The following ITIH1 variants were observed in gnomAD, a reference collection of about 807,000 sequenced individuals.
ITIH1 encodes inter-alpha-trypsin inhibitor heavy chain 1.
Under a neutral mutation model 104.6 loss-of-function variants are expected in ITIH1, and 94 were observed. The ratio of observed to expected loss-of-function variants is 0.90; its 90% confidence interval spans 0.76 to 1.07. The LOEUF (loss-of-function observed/expected upper bound fraction) is 1.07, where lower values mean the gene tolerates loss of function less well. Ranked by LOEUF, ITIH1 falls within the 50% of genes least tolerant of loss-of-function variation. The pLI, the probability that ITIH1 is intolerant of heterozygous loss-of-function variation, is 0.00. For missense variants in ITIH1, 1,193 were observed against 1,181.4 expected (o/e 1.01, Z -0.14); for synonymous variants, 455 against 464.4 (o/e 0.98, Z 0.26).
intron 2 of ITIH1, 25 bp downstream of exon 2, chr3:52,778,042 G>T (rs748842149): frequency 6.2e-7 from 1 of 1,613,356 alleles, no homozygotes; most frequent in African/African-American, 1.3e-5. Flanking sequence ...TGGCAAAGGG[G>T]TCTGTGACAG....
At chr3:52,781,205 TTTTTTCTTCTTCTTCTTCTTC>T (rs1699029757) in intron 6 of ITIH1, among the ~76,000 whole-genome samples, 18 of 72,346 alleles carry the variant, frequency 2.5e-4, no homozygotes, top group East Asian at 1.8e-3. Flanking sequence ...TTCTTTTTTT[TTTTTTCTTCTTCTTCTTCTTC>T]TTCTTCTTCT....
rs779628889 is a variant in ITIH1, at chr3:52,787,594, A to T, written c.1906A>T (p.Met636Leu). Residue 636 changes from methionine (M) to leucine (L), a missense_variant and splice_region_variant, in exon 16 of 22, where the codon ATG becomes TTG. Met to Leu is a conservative substitution (Grantham distance 15). Coordinates refer to ENST00000273283, the MANE Select transcript of ITIH1 (RefSeq NM_002215.4). ...KPSEDSPPLE[M>L]LGPRRTFVLS... ...TAATATGTCCTTGTCTTCTACAGAG[A>T]TGCTGGGACCCAGAAGGAGTAAGTG... is the stretch of plus-strand genomic sequence containing the variant. 5 of 1,614,152 alleles carry T rather than the reference A, an allele frequency of 3.1e-6. No individual in the cohort carries two copies. Among genetic ancestry groups the T allele is most frequent in the East Asian group, 4.5e-5 (2 of 44,882 alleles).
chr3:52,781,960 C>T lies in ITIH1; in HGVS notation c.708C>T (p.Pro236=). The T allele has an allele frequency of 1.2e-6, 2 of 1,614,196 alleles. No homozygotes were observed. Among genetic ancestry groups the T allele is most frequent in the Non-Finnish European group, 1.7e-6 (2 of 1,180,036 alleles). Residue 236 remains proline (P), a synonymous_variant, in exon 7 of 22, where the codon CCC becomes CCT. Coordinates refer to ENST00000273283, the MANE Select transcript of ITIH1 (RefSeq NM_002215.4). ...TCCAGGGTCATGTGCTGTTCCGTCC[C>T]ACCGTGAGCCAGCAGCAGTCCTGCC... ...SGKKGHVLFR[P]TVSQQQSCPT...
intron 16 of ITIH1, 69 bp downstream of exon 16, chr3:52,787,681 C>T (rs960594320): frequency 1.3e-6 from 2 of 1,528,154 alleles, no homozygotes; most frequent in African/African-American, 1.4e-5. Flanking sequence ...TGGCTTTCTT[C>T]CTCCGTTCTA....
intron 10 of ITIH1, 67 bp from the exon 11 acceptor site, chr3:52,784,229 G>A (rs1699138915): frequency 7.1e-7 from 1 of 1,407,664 alleles, no homozygotes; most frequent in Non-Finnish European, 9.8e-7. Context: ...GTGTTCCCCA[G>A]AGCCCCCTCG....
At position 52,791,818 on chromosome 3, in the gene ITIH1, T is replaced by G; in HGVS notation, c.2643T>G (p.His881Gln). ...LQKDYSKDPW[H>Q]GAEVSCWFIH... ...AAGACTACAGCAAGGACCCGTGGCA[T>G]GGGGCCGAGGTGTCCTGCTGGTTCA... Residue 881 changes from histidine (H) to glutamine (Q), a missense_variant, in exon 22 of 22, where the codon CAT (histidine) becomes CAG (glutamine). Coordinates refer to ENST00000273283, the MANE Select transcript of ITIH1 (RefSeq NM_002215.4). 6.2e-7 allele frequency: 1 copy of G among 1,614,148 alleles called. No homozygotes were observed. The highest frequency in any genetic ancestry group is 8.5e-7 in the Non-Finnish European group (1 of 1,179,988).
chr3:52,789,040 C>T (rs1477540397), intron 18 of ITIH1, among the ~76,000 whole-genome samples: 1 of 152,192 alleles, frequency 6.6e-6, no homozygotes, highest in Non-Finnish European at 1.5e-5. Flanking sequence ...GGGAACAGCT[C>T]CCTCTCCTTC....
In ITIH1 at chr3:52,782,282, G is replaced by C; in HGVS notation, c.930+15G>C. On this transcript the variant is annotated intron_variant, in intron 8 of 21. Coordinates refer to ENST00000273283, the MANE Select transcript of ITIH1 (RefSeq NM_002215.4). ...AAGTGAAGCAGGTAGGCTGCAGCTT[G>C]AAACAGCTCACCCAGCAGAAGCTTC... 2 of 1,590,292 alleles carry C rather than the reference G, an allele frequency of 1.3e-6. No homozygotes were observed. Among genetic ancestry groups the C allele is most frequent in the Admixed American group, 1.7e-5 (1 of 60,002 alleles).
At chr3:52,784,077 G>A (rs1428760916) in intron 10 of ITIH1, among the ~76,000 whole-genome samples, 1 of 152,176 alleles carries the variant, frequency 6.6e-6, no homozygotes, top group Non-Finnish European at 1.5e-5. Context: ...ACCTGCTGGT[G>A]ATGGACCCAC....
Position 52,788,128 on chromosome 3 carries a change from C to T in ITIH1, c.2005+62C>T. On this transcript the variant is annotated intron_variant, in intron 17 of 21. Coordinates refer to ENST00000273283, the MANE Select transcript of ITIH1 (RefSeq NM_002215.4). ...TGGGACCCACCCTATCTGGCTGTCT[C>T]TCTCTCTCTGTCTCTCTCTGGGACC... 4 of 1,530,004 alleles carry T rather than the reference C, an allele frequency of 2.6e-6. No individual in the cohort carries two copies. In the South Asian group the frequency reaches 4.8e-5, roughly 18 times the overall value. 94.8% of individuals were successfully genotyped at this position (1,530,004 alleles called of 1,614,324 possible).
chr3:52,791,169 C>G (rs1435687606), intron 20 of ITIH1, among the ~76,000 whole-genome samples: 4 of 152,088 alleles, frequency 2.6e-5, no homozygotes, highest in African/African-American at 9.7e-5. Context: ...AAAAGAAAGG[C>G]CCAGAGGGTT....
At position 52,786,301 on chromosome 3, in the gene ITIH1, C is replaced by A; in HGVS notation, c.1600C>A (p.Gln534Lys). Residue 534 changes from glutamine to lysine, a missense_variant, in exon 13 of 22, where the codon CAA becomes AAA. By Grantham distance (53) the Gln-to-Lys change is moderately conservative. Transcript: ENST00000273283. ...KADVQAHGEG[Q>K]EFSITCLVDE... ...TCTGTACCTCAACTCTCAGGAGGGACAAGAATTCAGTATAACCTGCCTAGT... is the reference window on the plus strand; with the variant it reads ...TCTGTACCTCAACTCTCAGGAGGGAAAAGAATTCAGTATAACCTGCCTAGT... The A allele has an allele frequency of 6.4e-7, 1 of 1,568,900 alleles. No individual in the cohort carries two copies. The highest frequency in any genetic ancestry group is 8.7e-7 in the Non-Finnish European group (1 of 1,155,608).
rs1699341929 is a variant in ITIH1 at position 52,790,986 on chromosome 3, T to C, written c.2494+65T>C. ...TTGAAGCCAGAGGACATGTGGGACC[T>C]GGGGCCACCGGTCAGTTCTATAGCT... On this transcript the variant is annotated intron_variant, in intron 20 of 21. Transcript: ENST00000273283. 3 of 1,496,464 alleles carry C rather than the reference T, an allele frequency of 2.0e-6. No homozygotes were observed. In the South Asian group the frequency reaches 3.9e-5, roughly 20 times the overall value. The allele number at this position is 1,496,464 out of a possible 1,614,324, so 92.7% of individuals were successfully genotyped here.
intron 13 of ITIH1, 92 bp downstream of exon 13, chr3:52,786,526 C>T: frequency 8.1e-7 from 1 of 1,228,030 alleles, no homozygotes; most frequent in Admixed American, 2.6e-5. Flanking sequence ...GGTTCTGGGG[C>T]AAGTAGGTCA....
chr3:52,777,675 C>CT lies in ITIH1; in HGVS notation c.60_61insT (p.Ile21TyrfsTer61). 6.2e-7 allele frequency: 1 copy of CT among 1,606,946 alleles called. No homozygotes were observed. The highest frequency in any genetic ancestry group is 2.2e-5 in the East Asian group (1 of 44,838). On this transcript the variant is annotated frameshift_variant, in exon 1 of 22. Transcript: ENST00000273283. LOFTEE classifies it high-confidence loss of function. ...TGTGCATGTACCTGGTATCTCTCCT[C>CT]ATCCTGCAGGCCATGCCTGCCCTGG...
chr3:52,778,265 G>A, intron 2 of ITIH1, 75 bp from the exon 3 acceptor site: 1 of 1,477,894 alleles, frequency 6.8e-7, no homozygotes, highest in Non-Finnish European at 9.4e-7. Context: ...TAAGTGCCAA[G>A]TCCCCGTACC....
intron 8 of ITIH1, among the ~76,000 whole-genome samples, chr3:52,782,583 C>T (rs1699092499): frequency 8.9e-6 from 1 of 112,138 alleles, no homozygotes; most frequent in Admixed American, 9.5e-5. Flanking sequence ...TACGGTGGTC[C>T]GTGGGGAGGC....
intron 3 of ITIH1, 153 bp from the exon 4 acceptor site, chr3:52,778,789 A>T: frequency 1.8e-6 from 2 of 1,086,678 alleles, no homozygotes; most frequent in Non-Finnish European, 2.6e-6. Flanking sequence ...TGGGCTGCTC[A>T]CCTCATTGCC....
intron 13 of ITIH1, 63 bp from the exon 14 acceptor site, chr3:52,786,882 A>G (rs1696182688): frequency 6.7e-7 from 1 of 1,491,520 alleles, no homozygotes; most frequent in East Asian, 2.3e-5. Context: ...AAGTGAATGG[A>G]TAGGTGAAAG....
Sources: gnomAD v4.1 joint callset for allele counts (sites outside exome capture counted in the v4.1 genomes callset) on GRCh38, gnomAD v4.1.1 for gene constraint, MANE v1.5 for transcripts, NCBI Gene and HGNC (gene_info 2026-07-23, HGNC 2026-07-21) for gene names.